The following N4BP2 variants were observed in gnomAD, a reference collection of about 807,000 sequenced individuals.
N4BP2 encodes NEDD4 binding protein 2.
In N4BP2, 91 loss-of-function variants were observed where a neutral mutation model predicts 152.8. The observed-to-expected ratio is 0.60, with a 90% CI of 0.50 to 0.71. The LOEUF is 0.71. Among genes scored for constraint, N4BP2 ranks in the 30% least tolerant of loss-of-function variants. The pLI is 0.00. For synonymous variants in N4BP2, 646 were observed against 705.3 expected, an observed-to-expected ratio of 0.92 and a Z score of 1.33; for missense variants, 1,923 against 2,059.1, an observed-to-expected ratio of 0.93 and a Z score of 1.28.
the N4BP2 span, among the ~76,000 whole-genome samples, chr4:40,181,164 T>A: frequency 6.6e-6 from 1 of 151,820 alleles, no homozygotes; most frequent in East Asian, 1.9e-4. Context: ...AAGAAAAAAA[T>A]ATATATACAT....
chr4:40,142,336 G>C, intron 14 of N4BP2: 1 of 319,012 alleles, frequency 3.1e-6, no homozygotes, highest in Non-Finnish European at 6.1e-6. Context: ...AGTTGGGCTG[G>C]GGGTGACTGG....
chr4:40,136,847 C>T (rs934692658), intron 13 of N4BP2, 97 bp from the exon 14 acceptor site: 6 of 865,310 alleles, frequency 6.9e-6, no homozygotes, highest in Non-Finnish European at 1.0e-5. Flanking sequence ...GCCAGTTTTT[C>T]ATATTCTTGT....
intron 5 of N4BP2, among the ~76,000 whole-genome samples, chr4:40,108,763 A>G (rs1317423255): frequency 6.6e-6 from 1 of 151,560 alleles, no homozygotes; most frequent in Non-Finnish European, 1.5e-5. Context: ...GTTTATTTGC[A>G]TAGTTTGAAT....
At chr4:40,165,297 G>C in the N4BP2 span, among the ~76,000 whole-genome samples, 1 of 151,964 alleles carries the variant, frequency 6.6e-6, no homozygotes, top group Non-Finnish European at 1.5e-5. Flanking sequence ...CACCCAGGCT[G>C]GAGTACAGTG....
At chr4:40,064,318 A>C (rs1376398099) in intron 1 of N4BP2, among the ~76,000 whole-genome samples, 2 of 152,148 alleles carry the variant, frequency 1.3e-5, no homozygotes, top group Non-Finnish European at 2.9e-5. Context: ...TCTGTTGTCC[A>C]GGCTGGAGTG....
intron 13 of N4BP2, among the ~76,000 whole-genome samples, chr4:40,133,959 C>T (rs1374962060): frequency 6.6e-6 from 1 of 152,128 alleles, no homozygotes; most frequent in Non-Finnish European, 1.5e-5. Context: ...ACACGTGCCA[C>T]CACGCCTGGC....
At chr4:40,088,537 G>T (rs898565656) in intron 2 of N4BP2, among the ~76,000 whole-genome samples, 1 of 141,952 alleles carries the variant, frequency 7.0e-6, no homozygotes, top group South Asian at 2.3e-4. Flanking sequence ...TTTCGCTCTT[G>T]TTGCCCGGGC....
chr4:40,141,121 A>G (rs794006), intron 14 of N4BP2, among the ~76,000 whole-genome samples: 115,615 of 151,584 alleles, frequency 0.76, 44,475 homozygotes, highest in East Asian at 0.97. Flanking sequence ...TCCCAGATGG[A>G]GTGGTGGCCG....
Position 40,122,324 on chromosome 4 carries a change from A to C in N4BP2, c.4198+15A>C. On this transcript the variant is annotated intron_variant, in intron 9 of 17. Coordinates refer to ENST00000261435, the MANE Select transcript of N4BP2 (RefSeq NM_018177.6). ...TATTGATTCAGGTAAGGAAAAAGTAAATGACCATGTGTGTGTCTTTGTGTG... is the reference window on the plus strand; with the variant it reads ...TATTGATTCAGGTAAGGAAAAAGTACATGACCATGTGTGTGTCTTTGTGTG... 6.6e-7 allele frequency: 1 copy of C among 1,508,516 alleles called. No individual in the cohort carries two copies. Among genetic ancestry groups the C allele is most frequent in the Non-Finnish European group, 9.0e-7 (1 of 1,114,328 alleles). The allele number at this position is 1,508,516 out of a possible 1,614,324, so 93.4% of individuals were successfully genotyped here. A position where few individuals can be genotyped will look rare whatever the true frequency, so the allele number is the denominator to read the frequency against.
intron 2 of N4BP2, among the ~76,000 whole-genome samples, chr4:40,088,197 C>A (rs1389461773): frequency 3.3e-5 from 5 of 152,092 alleles, no homozygotes; most frequent in Admixed American, 2.0e-4. Context: ...TACTGGAGGA[C>A]ATGAGTTGTT....
intron 15 of N4BP2, among the ~76,000 whole-genome samples, 169 bp downstream of exon 15, chr4:40,143,030 C>A (rs889460547): frequency 5.9e-5 from 9 of 152,142 alleles, no homozygotes; most frequent in Admixed American, 5.2e-4. Context: ...CTGAGAATTT[C>A]ATCTCCTGCT....
At chr4:40,105,137 C>T (rs946731712) in intron 4 of N4BP2, among the ~76,000 whole-genome samples, 4 of 152,012 alleles carry the variant, frequency 2.6e-5, no homozygotes, top group African/African-American at 9.7e-5. Flanking sequence ...GTCTAGTATT[C>T]AAACCAAAGG....
intron 2 of N4BP2, among the ~76,000 whole-genome samples, chr4:40,092,013 TATATATATATA>T (rs1714636810): frequency 1.8e-5 from 1 of 54,158 alleles, no homozygotes; most frequent in South Asian, 6.5e-4. Context: ...AAAAATTATA[TATATATATATA>T]TATATATATA....
chr4:40,140,200 A>G (rs934165860), intron 14 of N4BP2, among the ~76,000 whole-genome samples: 1 of 152,018 alleles, frequency 6.6e-6, no homozygotes, highest in African/African-American at 2.4e-5. Flanking sequence ...TGAATGTTTC[A>G]TTGTCAGTTA....
At chr4:40,095,420 C>A (rs1257633783) in intron 2 of N4BP2, among the ~76,000 whole-genome samples, 1 of 152,214 alleles carries the variant, frequency 6.6e-6, no homozygotes, top group Admixed American at 6.5e-5. Flanking sequence ...TATCATTACA[C>A]AGTGCCTTTC....
intron 8 of N4BP2, among the ~76,000 whole-genome samples, chr4:40,119,425 A>G (rs544390171): frequency 2.4e-4 from 37 of 152,228 alleles, no homozygotes; most frequent in Non-Finnish European, 4.0e-4. Flanking sequence ...GGCTTTAAAA[A>G]ATCTTACCAA....
chr4:40,174,715 T>G, the N4BP2 span, among the ~76,000 whole-genome samples: 1 of 151,916 alleles, frequency 6.6e-6, no homozygotes. Context: ...GGCAAGAGAA[T>G]CGCTTGAGCC....
Position 40,107,021 on chromosome 4 carries a change from C to T in N4BP2, c.1495C>T (p.Arg499Cys), listed in dbSNP as rs1194614436. 17 of 1,612,786 alleles carry T rather than the reference C, an allele frequency of 1.1e-5. No individual in the cohort carries two copies. The highest frequency in any genetic ancestry group is 4.5e-5 in the East Asian group (2 of 44,824). The change falls in exon 5 of 18, where the codon CGT (arginine) becomes TGT (cysteine). Residue 499 changes from arginine (R) to cysteine (C), a missense_variant. Arg to Cys is a radical substitution (Grantham distance 180). Coordinates refer to ENST00000261435, the MANE Select transcript of N4BP2 (RefSeq NM_018177.6). ...AGAAGCACATGAATGGAACCAGAAT[C>T]GTGGTAAGAACAGATAATCAGATTC... ...LGEAHEWNQN[R>C]AKEAFEKKIS...
chr4:40,142,247 C>A, intron 14 of N4BP2: 1 of 300,814 alleles, frequency 3.3e-6, no homozygotes, highest in Non-Finnish European at 6.6e-6. Context: ...ACTCAGACCA[C>A]CAATGAACAG....
Sources: allele counts gnomAD v4.1 joint callset (sites outside exome capture counted in the v4.1 genomes callset), GRCh38; gene constraint gnomAD v4.1.1; transcripts MANE v1.5; gene names NCBI Gene and HGNC (gene_info 2026-07-23, HGNC 2026-07-21).